ITGA4: variants seen among roughly 807,000 people sequenced by gnomAD.
The protein encoded by ITGA4 is integrin subunit alpha 4.
Under a neutral mutation model 133.6 loss-of-function variants are expected in ITGA4, and 63 were observed. The observed-to-expected ratio is 0.47, with a 90% CI of 0.38 to 0.58. The LOEUF (loss-of-function observed/expected upper bound fraction) is 0.58. ITGA4 is among the 20% of genes least tolerant of loss of function. ITGA4 has a pLI of 0.00. For synonymous variants in ITGA4, 483 were observed against 438.0 expected (o/e 1.10, Z -1.28); for missense variants, 1,076 against 1,252.7 (o/e 0.86, Z 2.13).
chr2:181,525,458 T>C (rs1686814842), intron 21 of ITGA4, among the ~76,000 whole-genome samples, 167 bp downstream of exon 21: 1 of 152,194 alleles, frequency 6.6e-6, no homozygotes, highest in Non-Finnish European at 1.5e-5. Flanking sequence ...CTGTCCATTA[T>C]AATAATCCAC....
rs865986724 is a variant in ITGA4, at chr2:181,509,734, G to A, written c.1772G>A (p.Arg591Gln). Residue 591 changes from arginine (R) to glutamine (Q), a missense_variant, in exon 16 of 28, where the codon CGA (arginine) becomes CAA (glutamine). Around this residue, in one of 4 missense-constraint regions of ITGA4, gnomAD observed 365 missense variants for 421.4 expected, o/e 0.87. Transcript: ENST00000397033. The stretch of plus-strand genomic sequence containing the variant: ...CTTGGTCCTCATGTCATCAGTAAAC[G>A]AAGTACAGAGGAATTCCCACCACTT... Reference protein sequence around the residue: ...YHLGPHVISKRSTEEFPPLQP... With the variant: ...YHLGPHVISKQSTEEFPPLQP... 9 of 1,611,210 alleles carry A rather than the reference G, an allele frequency of 5.6e-6. No homozygotes were observed. The highest frequency in any genetic ancestry group is 2.2e-5 in the East Asian group (1 of 44,726).
intron 14 of ITGA4, among the ~76,000 whole-genome samples, chr2:181,497,549 CT>C (rs1264982586): frequency 6.6e-6 from 1 of 152,022 alleles, no homozygotes; most frequent in African/African-American, 2.4e-5. Context: ...TTGGCTTGGA[CT>C]TCATTATTTT....
rs1464915193 is a variant in ITGA4 at position 181,534,818 on chromosome 2, T to G, written c.2886T>G (p.Val962=). 1.3e-6 allele frequency: 2 copies of G among 1,585,798 alleles called. No individual in the cohort carries two copies. The highest frequency in any genetic ancestry group is 2.7e-5 in the African/African-American group (2 of 72,858). ...ELNKDENVAH[V]LLEGLHHQRP... is the part of the protein sequence containing the mutation. ...TTTATTTTTCTTAACTCACGTAGGT[T>G]CTACTGGAAGGACTACATCATCAAA... Residue 962 remains valine (V), a splice_region_variant and synonymous_variant, in exon 27 of 28, where the codon GTT becomes GTG. Coordinates refer to ENST00000397033, the MANE Select transcript of ITGA4 (RefSeq NM_000885.6).
intron 17 of ITGA4, among the ~76,000 whole-genome samples, chr2:181,518,364 C>T (rs147834763): frequency 1.5e-3 from 226 of 152,156 alleles, no homozygotes; most frequent in African/African-American, 5.3e-3. Context: ...CCTTTCTTCT[C>T]CATGTCTGGA....
rs535655410 is a variant in ITGA4, at chr2:181,512,736, G to A, written c.1922+961G>A. Among the ~76,000 whole-genome samples, 8 of 152,188 alleles carry A rather than the reference G, an allele frequency of 5.3e-5. No homozygotes were observed. The South Asian group carries it at 1.2e-3, about 24-fold the overall frequency. ...GGCATTTATTAATAAAATGTGACGG[G>A]TGGTGAAAAAATGGGTATCACTGGC... On this transcript the variant is annotated intron_variant, in intron 17 of 27. Transcript: ENST00000397033.
intron 10 of ITGA4, among the ~76,000 whole-genome samples, chr2:181,488,678 C>A (rs1240270970): frequency 1.3e-5 from 2 of 151,996 alleles, no homozygotes; most frequent in African/African-American, 2.4e-5. Flanking sequence ...CCTGCCTCAG[C>A]CTCCCGAGTA....
chr2:181,515,997 ACT>A, intron 17 of ITGA4, among the ~76,000 whole-genome samples: 1 of 19,902 alleles, frequency 5.0e-5, no homozygotes, highest in South Asian at 4.2e-3. Context: ...GTGCTTATCC[ACT>A]CTCTCTCATC....
chr2:181,507,446 C>A (rs1034326085), intron 15 of ITGA4, among the ~76,000 whole-genome samples: 160 of 152,150 alleles, frequency 1.1e-3, no homozygotes, highest in African/African-American at 3.7e-3. Flanking sequence ...TTGTTGAGTA[C>A]CCTTTGAAAA....
At chr2:181,510,862 T>C (rs910954166) in intron 16 of ITGA4, among the ~76,000 whole-genome samples, 2 of 152,088 alleles carry the variant, frequency 1.3e-5, no homozygotes, top group Admixed American at 6.6e-5. Context: ...TTGGTAGTTA[T>C]ATTAATTTAT....
chr2:181,506,266 A>G (rs1686390475), intron 15 of ITGA4, among the ~76,000 whole-genome samples: 1 of 152,164 alleles, frequency 6.6e-6, no homozygotes, highest in South Asian at 2.1e-4. Flanking sequence ...ACTGAAATTT[A>G]GTAATTTCTT....
At position 181,538,158 on chromosome 2, in the gene ITGA4, A is replaced by G; in HGVS notation, c.*2631A>G. 1 of 1,444,832 alleles carries G rather than the reference A, an allele frequency of 6.9e-7. No individual in the cohort carries two copies. The highest frequency in any genetic ancestry group is 1.4e-5 in the African/African-American group (1 of 71,690). The allele number at this position is 1,444,832 out of a possible 1,614,324, so 89.5% of individuals were successfully genotyped here. On this transcript the variant is annotated 3_prime_UTR_variant, in exon 28 of 28. Coordinates refer to ENST00000397033, the MANE Select transcript of ITGA4 (RefSeq NM_000885.6). ...TCTTTATATTAAAATTCTAGTTTGT[A>G]CATTTCTTTTAGAAACAATTACATG... is the stretch of plus-strand genomic sequence containing the variant.
intron 10 of ITGA4, among the ~76,000 whole-genome samples, chr2:181,488,759 T>C (rs745705590): frequency 4.6e-5 from 7 of 152,088 alleles, no homozygotes; most frequent in South Asian, 2.1e-4. Context: ...AGGGTTTCAC[T>C]GTGTTAACCA....
At chr2:181,488,622 G>T (rs767210147) in intron 10 of ITGA4, among the ~76,000 whole-genome samples, 8 of 151,552 alleles carry the variant, frequency 5.3e-5, no homozygotes, top group Non-Finnish European at 7.4e-5. Context: ...GCAGTGGCAT[G>T]ATCTGGGCTC....
At chr2:181,485,748 A>G (rs1685899995) in intron 9 of ITGA4, 133 bp from the exon 10 acceptor site, 2 of 671,954 alleles carry the variant, frequency 3.0e-6, no homozygotes, top group African/African-American at 1.9e-5. Context: ...AGATGTGTGT[A>G]CTAAAGCTCA....
intron 15 of ITGA4, among the ~76,000 whole-genome samples, chr2:181,499,663 C>G (rs1574398647): frequency 6.6e-6 from 1 of 152,058 alleles, no homozygotes; most frequent in East Asian, 1.9e-4. Context: ...TCCTCATTTC[C>G]CTTAACAGTT....
intron 4 of ITGA4, among the ~76,000 whole-genome samples, chr2:181,477,140 CT>C (rs1249906221): frequency 2.6e-5 from 4 of 151,940 alleles, no homozygotes; most frequent in African/African-American, 9.7e-5. Flanking sequence ...TTTTAAATGC[CT>C]TTGGGAAAAT....
At chr2:181,474,041 G>A (rs1685617825) in intron 2 of ITGA4, among the ~76,000 whole-genome samples, 1 of 152,188 alleles carries the variant, frequency 6.6e-6, no homozygotes, top group Non-Finnish European at 1.5e-5. Context: ...ATTAAGAACA[G>A]ATGCAATAGA....
chr2:181,472,629 A>G (rs1485363071), intron 2 of ITGA4, among the ~76,000 whole-genome samples: 1 of 152,182 alleles, frequency 6.6e-6, no homozygotes, highest in Non-Finnish European at 1.5e-5. Flanking sequence ...ACAGTAAACA[A>G]TTGATTTTAG....
intron 9 of ITGA4, 93 bp from the exon 10 acceptor site, chr2:181,485,788 A>G (rs544043895): frequency 1.0e-5 from 11 of 1,054,880 alleles, no homozygotes; most frequent in Non-Finnish European, 1.3e-5. Flanking sequence ...TGTTTGACAC[A>G]TTAGAAAAAA....
Sources: gnomAD v4.1 joint callset for allele counts (sites outside exome capture counted in the v4.1 genomes callset) on GRCh38, gnomAD v4.1.1 for gene constraint, gnomAD v4.1.1 regional missense constraint, MANE v1.5 for transcripts, NCBI Gene and HGNC (gene_info 2026-07-23, HGNC 2026-07-21) for gene names.